MRPL14: variants seen among roughly 807,000 people sequenced by gnomAD.
MRPL14 encodes the protein mitochondrial ribosomal protein L14.
A neutral mutation model predicts 10.9 loss-of-function variants in MRPL14; 8 were observed. That is an observed-to-expected ratio of 0.74 (90% CI 0.43 to 1.33). The LOEUF (loss-of-function observed/expected upper bound fraction) is 1.33, where lower values mean the gene tolerates loss of function less well. Among genes scored for constraint, MRPL14 ranks in the 40% most tolerant of loss-of-function variants. The probability of loss-of-function intolerance (pLI) is 0.01; values close to 1 mark genes in which losing one functional copy is unlikely to be tolerated. For missense variants in MRPL14, 179 were observed against 194.5 expected (o/e 0.92, Z 0.47); for synonymous variants, 82 against 74.1 (o/e 1.11, Z -0.54).
rs1464677801 is a variant in MRPL14 at position 44,124,886 on chromosome 6, A to T, written c.-19+2458T>A. 4.6e-5 allele frequency among the ~76,000 whole-genome samples: 7 copies of T among 152,204 alleles called. No homozygotes were observed. The East Asian group carries it at 1.2e-3, about 25-fold the overall frequency. ...ACCTGCTTTTCGAGACCCCCCCTAC[A>T]GCCCTAAGAACTATCCAAGTAACCT... On this transcript the variant is annotated intron_variant, in intron 1 of 2. Coordinates refer to ENST00000372014, the MANE Select transcript of MRPL14 (RefSeq NM_032111.4).
intron 1 of MRPL14, among the ~76,000 whole-genome samples, chr6:44,121,936 CAAAAA>C (rs61174423): frequency 7.4e-6 from 1 of 134,730 alleles, no homozygotes; most frequent in African/African-American, 2.7e-5. Flanking sequence ...AAGACTGTCT[CAAAAA>C]AAAAAAAAAA....
At chr6:44,121,015 G>A (rs1445229890) in intron 1 of MRPL14, among the ~76,000 whole-genome samples, 2 of 152,190 alleles carry the variant, frequency 1.3e-5, no homozygotes, top group Non-Finnish European at 2.9e-5. Flanking sequence ...TTTCAGATCA[G>A]GGAAGAGCAA....
chr6:44,113,740 G>T lies in MRPL14; in HGVS notation c.*103C>A. ...TCACAGGATACTACACTGTTACCCAGTGTGAAGGGAGCAGCCATGTGGCTC... is the reference window on the plus strand; with the variant it reads ...TCACAGGATACTACACTGTTACCCATTGTGAAGGGAGCAGCCATGTGGCTC... On this transcript the variant is annotated 3_prime_UTR_variant, in exon 3 of 3. Coordinates refer to ENST00000372014, the MANE Select transcript of MRPL14 (RefSeq NM_032111.4). 3 of 1,231,490 alleles carry T rather than the reference G, an allele frequency of 2.4e-6. No homozygotes were observed. The South Asian group carries it at 4.7e-5, about 19-fold the overall frequency. The allele number at this position is 1,231,490 out of a possible 1,614,324, so 76.3% of individuals were successfully genotyped here.
At chr6:44,120,882 G>A (rs1776338822) in intron 1 of MRPL14, among the ~76,000 whole-genome samples, 1 of 152,166 alleles carries the variant, frequency 6.6e-6, no homozygotes, top group Non-Finnish European at 1.5e-5. Flanking sequence ...GTAAGAGAAT[G>A]ATGGTGCTAA....
At chr6:44,116,454 T>C in intron 2 of MRPL14, 87 bp downstream of exon 2, 1 of 1,354,070 alleles carries the variant, frequency 7.4e-7, no homozygotes, top group Non-Finnish European at 1.1e-6. Context: ...CCTGAGTTTT[T>C]ACTCCTGTTC....
intron 1 of MRPL14, 99 bp from the exon 2 acceptor site, chr6:44,116,728 C>A: frequency 1.3e-6 from 1 of 757,456 alleles, no homozygotes; most frequent in Non-Finnish European, 2.4e-6. Context: ...ACTTCCAGCA[C>A]AAGATCATTA....
intron 1 of MRPL14, among the ~76,000 whole-genome samples, chr6:44,117,144 C>A (rs1775928978): frequency 6.6e-6 from 1 of 152,220 alleles, no homozygotes; most frequent in Admixed American, 6.5e-5. Context: ...AACACCTGTA[C>A]AGCTCAAGGC....
At chr6:44,117,389 G>A (rs1775951581) in intron 1 of MRPL14, among the ~76,000 whole-genome samples, 1 of 152,150 alleles carries the variant, frequency 6.6e-6, no homozygotes, top group Non-Finnish European at 1.5e-5. Context: ...CAAATATGGA[G>A]GCTGCCAGTG....
In MRPL14 at chr6:44,122,993, T is replaced by C. The variant is rs199682358; in HGVS notation, c.-19+4351A>G. 2.6e-5 allele frequency among the ~76,000 whole-genome samples: 4 copies of C among 152,206 alleles called. No homozygotes were observed. In the East Asian group the frequency reaches 5.8e-4, roughly 22 times the overall value. The stretch of plus-strand genomic sequence containing the variant: ...TTTTTGCTGCCCAACTATTTCCTTT[T>C]AGGAAGTTTGGTGTGTGCGTGGTTT... On this transcript the variant is annotated intron_variant, in intron 1 of 2. Transcript: ENST00000372014.
At position 44,113,877 on chromosome 6, in the gene MRPL14, G is replaced by A. The variant is rs927831825; in HGVS notation, c.404C>T (p.Ser135Phe). The A allele has an allele frequency of 4.4e-6, 7 of 1,592,002 alleles. No individual in the cohort carries two copies. The South Asian group carries it at 7.9e-5, about 18-fold the overall frequency. The stretch of plus-strand genomic sequence containing the variant: ...GTTCTGAGCAATGGCCAGCACCTTG[G>A]AATACTCGCCTTCCCGCTTGCGCAG... ...TSLRKREGEY[S>F]KVLAIAQNFV Residue 135 changes from serine to phenylalanine, a missense_variant, in exon 3 of 3, where the codon TCC becomes TTC. By Grantham distance (155) the Ser-to-Phe change is radical. Transcript: ENST00000372014.
chr6:44,122,450 T>C lies in MRPL14; in HGVS notation c.-19+4894A>G, dbSNP rs1776544055. On this transcript the variant is annotated intron_variant, in intron 1 of 2. Transcript: ENST00000372014. Reference sequence around the variant, plus strand: ...CAAAGAACCTGTACCTCTGATGCTTTGTGGAAAGCTGGAAAGTACCATTAC... The same window carrying C: ...CAAAGAACCTGTACCTCTGATGCTTCGTGGAAAGCTGGAAAGTACCATTAC... Among the ~76,000 whole-genome samples, 2 of 152,308 alleles carry C rather than the reference T, an allele frequency of 1.3e-5. 1 individual carries two copies. Among genetic ancestry groups the C allele is most frequent in the African/African-American group, 4.8e-5 (2 of 41,566 alleles).
intron 1 of MRPL14, 50 bp from the exon 2 acceptor site, chr6:44,116,679 T>C (rs1775883810): frequency 4.5e-6 from 6 of 1,328,386 alleles, no homozygotes; most frequent in Non-Finnish European, 6.5e-6. Context: ...TCAGAGCCCT[T>C]AAAGCCAGTT....
intron 1 of MRPL14, 50 bp downstream of exon 1, chr6:44,127,294 G>C (rs1254939953): frequency 6.8e-6 from 1 of 147,868 alleles, no homozygotes; most frequent in Non-Finnish European, 1.5e-5. Flanking sequence ...GAAAGGAAGA[G>C]GAGAAGGAGG....
intron 1 of MRPL14, chr6:44,127,015 G>C (rs1288448475): frequency 1.3e-5 from 2 of 152,256 alleles, no homozygotes; most frequent in East Asian, 3.9e-4. Flanking sequence ...GGAGTGACCA[G>C]CGACGGCTGA....
intron 1 of MRPL14, among the ~76,000 whole-genome samples, chr6:44,124,170 T>C (rs1032454870): frequency 1.3e-5 from 2 of 152,142 alleles, no homozygotes; most frequent in Non-Finnish European, 2.9e-5. Flanking sequence ...TTTATTAAGA[T>C]GTCAGATAGG....
chr6:44,118,810 C>T (rs1184461994), intron 1 of MRPL14, among the ~76,000 whole-genome samples: 1 of 151,974 alleles, frequency 6.6e-6, no homozygotes, highest in African/African-American at 2.4e-5. Context: ...ACTAAAAATA[C>T]AAAATTAGCC....
chr6:44,122,353 G>A (rs1178478128), intron 1 of MRPL14, among the ~76,000 whole-genome samples: 3 of 152,148 alleles, frequency 2.0e-5, no homozygotes, highest in Admixed American at 2.0e-4. Flanking sequence ...AAAGTGCTGG[G>A]ATTACAGGCA....
At chr6:44,115,389 T>C (rs1033417566) in intron 2 of MRPL14, among the ~76,000 whole-genome samples, 1 of 152,186 alleles carries the variant, frequency 6.6e-6, no homozygotes. Context: ...AACCTCCGCC[T>C]GCTGCTACAC....
intron 1 of MRPL14, among the ~76,000 whole-genome samples, chr6:44,125,385 G>A (rs1342786414): frequency 1.3e-5 from 2 of 152,156 alleles, no homozygotes; most frequent in Non-Finnish European, 2.9e-5. Flanking sequence ...GCTGGACAAG[G>A]TGGCTCACGC....
Sources: gnomAD v4.1 joint callset for allele counts (sites outside exome capture counted in the v4.1 genomes callset) on GRCh38, gnomAD v4.1.1 for gene constraint, MANE v1.5 for transcripts, NCBI Gene and HGNC (gene_info 2026-07-23, HGNC 2026-07-21) for gene names.